ANKFN1: variants seen among roughly 807,000 people sequenced by gnomAD.
ANKFN1 encodes the protein ankyrin repeat and fibronectin type III domain containing 1.
ANKFN1 carries 74 observed loss-of-function variants against 108.7 expected under a neutral mutation model. The ratio of observed to expected loss-of-function variants is 0.68; its 90% confidence interval spans 0.56 to 0.83. The LOEUF (loss-of-function observed/expected upper bound fraction) is 0.83, where lower values mean the gene tolerates loss of function less well. Ranked by LOEUF, ANKFN1 falls within the 40% of genes least tolerant of loss-of-function variation. The pLI is 0.00. For synonymous variants in ANKFN1, 547 were observed against 516.2 expected, an observed-to-expected ratio of 1.06 and a Z score of -0.81; for missense variants, 1,505 against 1,382.3, an observed-to-expected ratio of 1.09 and a Z score of -1.41.
At chr17:56,428,575 G>A (rs1297815236) in intron 8 of ANKFN1, among the ~76,000 whole-genome samples, 1 of 150,134 alleles carries the variant, frequency 6.7e-6, no homozygotes, top group Non-Finnish European at 1.5e-5. Context: ...TGATTCTCAT[G>A]CCTCAGCCTG....
intron 14 of ANKFN1, 152 bp downstream of exon 14, chr17:56,458,131 G>A (rs2049777558): frequency 1.6e-5 from 10 of 640,298 alleles, no homozygotes; most frequent in South Asian, 6.0e-5. Context: ...CTGGAGCTGC[G>A]TACCTGTAGG....
intron 1 of ANKFN1, among the ~76,000 whole-genome samples, chr17:56,165,404 T>C (rs1008010257): frequency 6.6e-6 from 1 of 152,210 alleles, no homozygotes; most frequent in African/African-American, 2.4e-5. Flanking sequence ...CAGGATTTTA[T>C]TTAAATGAGA....
rs2045515527 is a variant in ANKFN1, at chr17:56,326,296, T to C, written c.129T>C (p.Asn43=). 6.2e-7 allele frequency: 1 copy of C among 1,613,902 alleles called. No individual in the cohort carries two copies. The highest frequency in any genetic ancestry group is 1.3e-5 in the African/African-American group (1 of 74,940). The change falls in exon 4 of 21, where the codon AAT becomes AAC. Residue 43 remains asparagine (N), a synonymous_variant. Coordinates refer to ENST00000682825, the MANE Select transcript of ANKFN1 (RefSeq NM_001370326.1). ...RRKQSQCDLL[N]ESTGQLPTTC... ...AGCAAAGCCAATGTGATTTATTGAA[T>C]GAAAGCACTGGACAATTACCAACAA...
intron 3 of ANKFN1, among the ~76,000 whole-genome samples, chr17:56,275,315 C>CT (rs879530969): frequency 0.011 from 1,537 of 142,594 alleles, 22 homozygotes; most frequent in African/African-American, 0.031. Context: ...GGAGTTTATT[C>CT]TTTTTTTTTT....
At chr17:56,271,853 C>A (rs2043803189) in intron 3 of ANKFN1, among the ~76,000 whole-genome samples, 1 of 152,138 alleles carries the variant, frequency 6.6e-6, no homozygotes, top group Admixed American at 6.5e-5. Context: ...TTTCAGCAAG[C>A]CGTTTACCCT....
chr17:56,512,345 T>G lies in ANKFN1; in HGVS notation c.*1076T>G, dbSNP rs1043363122. ...GATCAAGGGGCAGATTGTCCAGGGCTAGGGTGGCTGCCTTTCCCTTTCAAC... is the reference window on the plus strand; with the variant it reads ...GATCAAGGGGCAGATTGTCCAGGGCGAGGGTGGCTGCCTTTCCCTTTCAAC... On this transcript the variant is annotated 3_prime_UTR_variant, in exon 21 of 21. Transcript: ENST00000682825. Among the ~76,000 whole-genome samples the G allele has an allele frequency of 2.0e-5, 3 of 152,194 alleles. No homozygotes were observed. Among genetic ancestry groups the G allele is most frequent in the Admixed American group, 6.5e-5 (1 of 15,286 alleles).
chr17:56,462,420 C>T (rs1286319047), intron 14 of ANKFN1, among the ~76,000 whole-genome samples: 1 of 152,104 alleles, frequency 6.6e-6, no homozygotes, highest in Non-Finnish European at 1.5e-5. Context: ...CACGGACAAA[C>T]CCCGTCTCTA....
At chr17:56,178,895 A>G (rs4794628) in intron 1 of ANKFN1, among the ~76,000 whole-genome samples, 47,940 of 152,010 alleles carry the variant, frequency 0.32, 9,037 homozygotes, top group East Asian at 0.51. Flanking sequence ...ACAGATTTTG[A>G]GAAATTCTAT....
At chr17:56,187,977 T>A (rs1040160589) in intron 1 of ANKFN1, among the ~76,000 whole-genome samples, 1 of 152,094 alleles carries the variant, frequency 6.6e-6, no homozygotes, top group South Asian at 2.1e-4. Flanking sequence ...ATATACTGAA[T>A]GTAAATCACA....
intron 4 of ANKFN1, among the ~76,000 whole-genome samples, chr17:56,339,382 T>TGTTGTACA (rs2045902090): frequency 6.6e-6 from 1 of 152,066 alleles, no homozygotes; most frequent in African/African-American, 2.4e-5. Flanking sequence ...CATGGGGTTT[T>TGTTGTACA]GTTGTACAGA....
intron 4 of ANKFN1, among the ~76,000 whole-genome samples, chr17:56,346,651 C>T (rs970516396): frequency 2.0e-5 from 3 of 151,946 alleles, no homozygotes; most frequent in African/African-American, 7.2e-5. Flanking sequence ...TAATTTTAGC[C>T]ATTTTTGCTA....
chr17:56,287,167 A>G (rs2044241069), intron 3 of ANKFN1, among the ~76,000 whole-genome samples: 1 of 152,164 alleles, frequency 6.6e-6, no homozygotes, highest in Non-Finnish European at 1.5e-5. Context: ...CGAGAGGTAA[A>G]TAATTTACTC....
At chr17:56,283,906 AT>A (rs758163245) in intron 3 of ANKFN1, among the ~76,000 whole-genome samples, 80 of 152,144 alleles carry the variant, frequency 5.3e-4, no homozygotes, top group Non-Finnish European at 9.1e-4. Context: ...TTAAAAAAAA[AT>A]CTTATTCTTT....
intron 3 of ANKFN1, among the ~76,000 whole-genome samples, chr17:56,268,056 C>T (rs2043700011): frequency 1.3e-5 from 2 of 152,166 alleles, no homozygotes; most frequent in East Asian, 3.9e-4. Context: ...ATATTCAGGA[C>T]CTATATTCAA....
At chr17:56,160,601 C>A (rs1343686946) in intron 1 of ANKFN1, among the ~76,000 whole-genome samples, 1 of 152,016 alleles carries the variant, frequency 6.6e-6, no homozygotes, top group African/African-American at 2.4e-5. Context: ...TAAAGAGTTC[C>A]AGGAAAAAAA....
At chr17:56,110,586 GATT>G in intron 4 of ANKFN1, among the ~76,000 whole-genome samples, 1 of 19,090 alleles carries the variant, frequency 5.2e-5, no homozygotes, top group East Asian at 5.6e-3. Flanking sequence ...AATATAGATT[GATT>G]GAATGAATGA....
chr17:56,227,851 C>T, intron 2 of ANKFN1, 66 bp from the exon 3 acceptor site: 1 of 1,312,546 alleles, frequency 7.6e-7, no homozygotes, highest in Non-Finnish European at 1.1e-6. Context: ...AAACGTGACT[C>T]CTTTTTCATT....
At chr17:56,324,149 A>G (rs959857553) in intron 3 of ANKFN1, among the ~76,000 whole-genome samples, 15 of 152,198 alleles carry the variant, frequency 9.9e-5, no homozygotes, top group African/African-American at 3.6e-4. Flanking sequence ...TAGCTACAGC[A>G]TGGAATGCAA....
chr17:56,487,573 T>C (rs1448631166), intron 18 of ANKFN1, among the ~76,000 whole-genome samples: 1 of 151,734 alleles, frequency 6.6e-6, no homozygotes, highest in Non-Finnish European at 1.5e-5. Context: ...TGAGGCCTGG[T>C]ATATATTTCA....
Sources: gnomAD v4.1 joint callset for allele counts (sites outside exome capture counted in the v4.1 genomes callset) on GRCh38, gnomAD v4.1.1 for gene constraint, MANE v1.5 for transcripts, NCBI Gene and HGNC (gene_info 2026-07-23, HGNC 2026-07-21) for gene names.